GRIN2B: variants seen among roughly 807,000 people sequenced by gnomAD.
The protein encoded by GRIN2B is glutamate ionotropic receptor NMDA type subunit 2B, also known as glutamate receptor ionotropic, NMDA 2B.
A neutral mutation model predicts 114.5 loss-of-function variants in GRIN2B; 5 were observed. The observed-to-expected ratio is 0.04, with a 90% CI of 0.02 to 0.09. GRIN2B has a LOEUF of 0.09. Ranked by LOEUF, GRIN2B falls within the 10% of genes least tolerant of loss-of-function variation. The probability of loss-of-function intolerance (pLI) is 1.00; values close to 1 mark genes in which losing one functional copy is unlikely to be tolerated. For synonymous variants in GRIN2B, 787 were observed against 745.1 expected (o/e 1.06, Z -0.92); for missense variants, 1,108 against 1,943.5 (o/e 0.57, Z 8.08).
intron 2 of GRIN2B, among the ~76,000 whole-genome samples, chr12:13,867,536 CT>C (rs1226981930): frequency 6.6e-6 from 1 of 152,222 alleles, no homozygotes; most frequent in Non-Finnish European, 1.5e-5. Context: ...CACATATTTA[CT>C]GCCCGAATCC....
chr12:13,924,890 CA>C (rs997524045), intron 2 of GRIN2B, among the ~76,000 whole-genome samples: 18 of 152,034 alleles, frequency 1.2e-4, no homozygotes, highest in African/African-American at 4.3e-4. Flanking sequence ...GCATAGGGTG[CA>C]AAAGTGGTAT....
At chr12:13,811,761 T>C (rs1864735143) in intron 3 of GRIN2B, among the ~76,000 whole-genome samples, 1 of 152,158 alleles carries the variant, frequency 6.6e-6, no homozygotes, top group Non-Finnish European at 1.5e-5. Flanking sequence ...ATCAGACAAC[T>C]AACATACTAG....
intron 2 of GRIN2B, among the ~76,000 whole-genome samples, chr12:13,926,137 AG>A (rs1866906961): frequency 6.6e-6 from 1 of 152,060 alleles, no homozygotes; most frequent in African/African-American, 2.4e-5. Context: ...AGGAGAAGAA[AG>A]GGAAATGGTG....
At chr12:13,936,463 T>A (rs2136829908) in intron 2 of GRIN2B, among the ~76,000 whole-genome samples, 1 of 152,226 alleles carries the variant, frequency 6.6e-6, no homozygotes, top group South Asian at 2.1e-4. Context: ...AAAGATTGAG[T>A]CTTACCAAGT....
At chr12:13,598,260 C>T (rs1243257505) in intron 10 of GRIN2B, among the ~76,000 whole-genome samples, 1 of 152,216 alleles carries the variant, frequency 6.6e-6, no homozygotes, top group Non-Finnish European at 1.5e-5. Flanking sequence ...GGACAGCACC[C>T]CTCCTGACTC....
chr12:13,884,341 G>A (rs562933438), intron 2 of GRIN2B, among the ~76,000 whole-genome samples: 17 of 152,010 alleles, frequency 1.1e-4, no homozygotes, highest in Non-Finnish European at 8.8e-5. Context: ...TAACAATATT[G>A]AGTCAGATAT....
chr12:13,652,198 C>T (rs1949820687), intron 5 of GRIN2B, among the ~76,000 whole-genome samples: 1 of 151,878 alleles, frequency 6.6e-6, no homozygotes. Context: ...CTTCATTACT[C>T]TTGAAGGTTC....
intron 3 of GRIN2B, among the ~76,000 whole-genome samples, chr12:13,845,513 G>A (rs1865455457): frequency 6.6e-6 from 1 of 152,108 alleles, no homozygotes. Context: ...GTATTTTGTT[G>A]ACTTTAAAGT....
At chr12:13,617,864 C>T (rs1293390276) in intron 5 of GRIN2B, among the ~76,000 whole-genome samples, 2 of 152,128 alleles carry the variant, frequency 1.3e-5, no homozygotes, top group African/African-American at 2.4e-5. Flanking sequence ...ACCCAGACTC[C>T]CTCCTTCTTG....
chr12:13,685,157 C>T (rs549284671), intron 4 of GRIN2B, among the ~76,000 whole-genome samples: 1 of 152,300 alleles, frequency 6.6e-6, no homozygotes, highest in East Asian at 1.9e-4. Flanking sequence ...GATCTTTCTC[C>T]ATTTCCTCAA....
intron 2 of GRIN2B, among the ~76,000 whole-genome samples, chr12:13,871,218 A>C (rs1040994368): frequency 6.6e-6 from 1 of 152,150 alleles, no homozygotes; most frequent in Non-Finnish European, 1.5e-5. Flanking sequence ...TAGAACAGAG[A>C]ATAGATGTTC....
chr12:13,718,340 A>G (rs1205313172), intron 4 of GRIN2B, among the ~76,000 whole-genome samples: 1 of 152,040 alleles, frequency 6.6e-6, no homozygotes, highest in African/African-American at 2.4e-5. Flanking sequence ...CTGATCAGTC[A>G]AGAAACTTAA....
At chr12:13,688,887 T>G (rs1950191740) in intron 4 of GRIN2B, among the ~76,000 whole-genome samples, 1 of 152,172 alleles carries the variant, frequency 6.6e-6, no homozygotes, top group South Asian at 2.1e-4. Flanking sequence ...TAAATTAGTC[T>G]CAGTACTTAC....
chr12:13,772,997 C>CTA (rs1863934625), intron 3 of GRIN2B, among the ~76,000 whole-genome samples: 1 of 152,158 alleles, frequency 6.6e-6, no homozygotes, highest in Non-Finnish European at 1.5e-5. Context: ...ATACCATGGA[C>CTA]TATAGATGGG....
chr12:13,699,687 A>G (rs754776512), intron 4 of GRIN2B, among the ~76,000 whole-genome samples: 82 of 151,916 alleles, frequency 5.4e-4, no homozygotes, highest in South Asian at 1.3e-3. Flanking sequence ...TCCTGGGTTC[A>G]AGTGATTTCT....
At chr12:13,804,075 A>G (rs995222143) in intron 3 of GRIN2B, among the ~76,000 whole-genome samples, 2 of 151,744 alleles carry the variant, frequency 1.3e-5, no homozygotes, top group Admixed American at 1.3e-4. Context: ...CAGAATATGC[A>G]TTCCTGGGTG....
chr12:13,562,938 G>T lies in GRIN2B; in HGVS notation c.4300C>A (p.Leu1434Ile), dbSNP rs1002108827. The change falls in exon 14 of 14, where the codon CTT (leucine) becomes ATT (isoleucine). Residue 1434 changes from leucine to isoleucine, a missense_variant. Around this residue, in one of 19 missense-constraint regions of GRIN2B, gnomAD observed 478 missense variants for 506.0 expected, o/e 0.94. Coordinates refer to ENST00000609686, the MANE Select transcript of GRIN2B (RefSeq NM_000834.5). ...AAACGGGCTGGCACGGCCCCATGAAGGGCCGAGACCACCGGCTTGTTGGTG... is the reference window on the plus strand; with the variant it reads ...AAACGGGCTGGCACGGCCCCATGAATGGCCGAGACCACCGGCTTGTTGGTG... ...LVTNKPVVSA[L>I]HGAVPARFQK... 1.2e-6 allele frequency: 2 copies of T among 1,614,214 alleles called. No individual in the cohort carries two copies. The highest frequency in any genetic ancestry group is 1.7e-6 in the Non-Finnish European group (2 of 1,180,040).
chr12:13,934,855 C>A (rs559753328), intron 2 of GRIN2B, among the ~76,000 whole-genome samples: 4 of 145,018 alleles, frequency 2.8e-5, no homozygotes, highest in African/African-American at 1.2e-4. Flanking sequence ...CATCCTCAGC[C>A]TCTGATCATC....
In GRIN2B at chr12:13,547,494, T is replaced by C. The variant is rs886985594; in HGVS notation, c.*15289A>G. 3.9e-5 allele frequency: 6 copies of C among 152,186 alleles called. No individual in the cohort carries two copies. The highest frequency in any genetic ancestry group is 5.9e-5 in the Non-Finnish European group (4 of 68,024). 9.4% of individuals were successfully genotyped at this position (152,186 alleles called of 1,614,324 possible). Reference sequence around the variant, plus strand: ...ATCTGCTGATTCTACTCTTTTTTCATGAATTTCTGTATGATATTTAGCAAT... The same window carrying C: ...ATCTGCTGATTCTACTCTTTTTTCACGAATTTCTGTATGATATTTAGCAAT... On this transcript the variant is annotated 3_prime_UTR_variant, in exon 14 of 14. Coordinates refer to ENST00000609686, the MANE Select transcript of GRIN2B (RefSeq NM_000834.5).
Sources: allele counts gnomAD v4.1 joint callset (sites outside exome capture counted in the v4.1 genomes callset), GRCh38; gene constraint gnomAD v4.1.1; regional missense constraint gnomAD v4.1.1; transcripts MANE v1.5; gene names NCBI Gene and HGNC (gene_info 2026-07-23, HGNC 2026-07-21).